RBFOX3: variants seen among roughly 807,000 people sequenced by gnomAD.
RBFOX3 encodes RNA binding protein fox-1 homolog 3.
In RBFOX3, 17 loss-of-function variants were observed where a neutral mutation model predicts 48.7. That is an observed-to-expected ratio of 0.35 (90% CI 0.24 to 0.52). The LOEUF (loss-of-function observed/expected upper bound fraction) is 0.52, where lower values mean the gene tolerates loss of function less well. Ranked by LOEUF, RBFOX3 falls within the 20% of genes least tolerant of loss-of-function variation. The probability of loss-of-function intolerance (pLI) is 0.94; values close to 1 mark genes in which losing one functional copy is unlikely to be tolerated. For synonymous variants in RBFOX3, 212 were observed against 209.5 expected, an observed-to-expected ratio of 1.01 and a Z score of -0.10; for missense variants, 382 against 497.5, an observed-to-expected ratio of 0.77 and a Z score of 2.21.
intron 1 of RBFOX3, among the ~76,000 whole-genome samples, chr17:79,581,478 G>C (rs1322152546): frequency 6.6e-6 from 1 of 152,214 alleles, no homozygotes; most frequent in Non-Finnish European, 1.5e-5. Context: ...TGAAGCCAGA[G>C]GGACTGTCAG....
chr17:79,520,960 G>A lies in RBFOX3; in HGVS notation c.-319-38362C>T, dbSNP rs1305400902. Among the ~76,000 whole-genome samples the A allele has an allele frequency of 2.6e-5, 4 of 152,336 alleles. No homozygotes were observed. In the East Asian group the frequency reaches 7.7e-4, roughly 29 times the overall value. On this transcript the variant is annotated intron_variant, in intron 1 of 14. Coordinates refer to ENST00000693108, the MANE Select transcript of RBFOX3 (RefSeq NM_001350451.2). ...CTTGTTTGAATCTCACAATGGTGAC[G>A]GCAGAGCACTGAGCCAAGCACAAGC... is the stretch of plus-strand genomic sequence containing the variant.
At chr17:79,210,245 T>A (rs1415242292) in intron 4 of RBFOX3, among the ~76,000 whole-genome samples, 1 of 152,204 alleles carries the variant, frequency 6.6e-6, no homozygotes, top group African/African-American at 2.4e-5. Context: ...TTTTGTGAAC[T>A]TTTTTTATTT....
chr17:79,289,342 G>A (rs748243833), intron 3 of RBFOX3, among the ~76,000 whole-genome samples: 3 of 152,184 alleles, frequency 2.0e-5, no homozygotes, highest in East Asian at 1.9e-4. Context: ...TTTCTGCCCC[G>A]GCCCTTAGTG....
chr17:79,203,885 C>A (rs915620320), intron 4 of RBFOX3, among the ~76,000 whole-genome samples: 1 of 152,118 alleles, frequency 6.6e-6, no homozygotes, highest in Non-Finnish European at 1.5e-5. Context: ...CCTGAACCCA[C>A]GGACATGGCA....
chr17:79,492,830 G>C (rs1242200052), intron 1 of RBFOX3, among the ~76,000 whole-genome samples: 1 of 152,222 alleles, frequency 6.6e-6, no homozygotes, highest in Non-Finnish European at 1.5e-5. Context: ...TTACAGAGGT[G>C]AGGAAGGTCA....
chr17:79,379,800 C>T (rs1467002599), intron 2 of RBFOX3, among the ~76,000 whole-genome samples: 2 of 152,134 alleles, frequency 1.3e-5, no homozygotes, highest in African/African-American at 4.8e-5. Context: ...GATTTCAGGC[C>T]CCCAAGATGC....
chr17:79,216,065 C>T (rs2147261505), intron 4 of RBFOX3, among the ~76,000 whole-genome samples: 1 of 152,360 alleles, frequency 6.6e-6, no homozygotes, highest in African/African-American at 2.4e-5. Context: ...GCGTCCTCAG[C>T]CCAGCGGGGG....
chr17:79,536,168 C>CA (rs1555788668), intron 1 of RBFOX3, among the ~76,000 whole-genome samples: 24 of 141,930 alleles, frequency 1.7e-4, no homozygotes, highest in African/African-American at 6.7e-4. Flanking sequence ...CCTCTGCCTT[C>CA]CAGGCTCAAG....
At chr17:79,650,395 T>C in the RBFOX3 span, among the ~76,000 whole-genome samples, 1 of 151,710 alleles carries the variant, frequency 6.6e-6, no homozygotes, top group Admixed American at 6.6e-5. Flanking sequence ...CCTCCAAAAC[T>C]CAGGGAAAGC....
chr17:79,286,524 C>T (rs1049551338), intron 3 of RBFOX3, among the ~76,000 whole-genome samples: 12 of 152,212 alleles, frequency 7.9e-5, no homozygotes, highest in African/African-American at 2.7e-4. Flanking sequence ...GCCCCTGATG[C>T]TTATTAACTG....
intron 2 of RBFOX3, among the ~76,000 whole-genome samples, chr17:79,313,508 C>T (rs2077128024): frequency 6.6e-6 from 1 of 152,200 alleles, no homozygotes; most frequent in Non-Finnish European, 1.5e-5. Context: ...CCCAACCATC[C>T]AGGGCTCTGG....
rs139966532 is a variant in RBFOX3, at chr17:79,413,325, G to A, written c.-175+69129C>T. ...AGACTCCAAATTATCCCAAAGGCAG[G>A]ATGTGGAGTCTCTGAGTGGAAGAAT... is the stretch of plus-strand genomic sequence containing the variant. On this transcript the variant is annotated intron_variant, in intron 2 of 14. Transcript: ENST00000693108. 2.8e-3 allele frequency among the ~76,000 whole-genome samples: 433 copies of A among 152,346 alleles called. 2 individuals carry two copies. The highest frequency in any genetic ancestry group is 0.01 in the African/African-American group (416 of 41,570).
At chr17:79,114,336 G>A (rs1020259342) in intron 5 of RBFOX3, among the ~76,000 whole-genome samples, 6 of 152,184 alleles carry the variant, frequency 3.9e-5, no homozygotes, top group African/African-American at 1.4e-4. Flanking sequence ...CTGGGTATCA[G>A]GATGCTGGGG....
At chr17:79,178,052 C>T (rs2050997300) in intron 4 of RBFOX3, among the ~76,000 whole-genome samples, 1 of 152,234 alleles carries the variant, frequency 6.6e-6, no homozygotes, top group Admixed American at 6.5e-5. Flanking sequence ...GATCCTCCAC[C>T]GAGCAGCCCC....
chr17:79,543,222 C>T (rs976872557), intron 1 of RBFOX3, among the ~76,000 whole-genome samples: 1 of 152,164 alleles, frequency 6.6e-6, no homozygotes, highest in East Asian at 1.9e-4. Context: ...AAATCACCTC[C>T]TCCACGCCTT....
intron 1 of RBFOX3, among the ~76,000 whole-genome samples, chr17:79,576,898 G>A (rs1406098629): frequency 1.3e-5 from 2 of 152,142 alleles, no homozygotes; most frequent in East Asian, 3.9e-4. Context: ...TCTGGTCCCA[G>A]ACACTTGTAG....
At chr17:79,326,016 T>C (rs1249452274) in intron 2 of RBFOX3, among the ~76,000 whole-genome samples, 1 of 152,222 alleles carries the variant, frequency 6.6e-6, no homozygotes, top group African/African-American at 2.4e-5. Context: ...TATAACTCAC[T>C]GCCCTCTTCA....
chr17:79,189,318 A>G (rs916326217), intron 4 of RBFOX3, among the ~76,000 whole-genome samples: 22 of 152,164 alleles, frequency 1.4e-4, no homozygotes, highest in South Asian at 4.1e-4. Flanking sequence ...AACCAGTTAG[A>G]GGCAGCGTCT....
At position 79,443,083 on chromosome 17, in the gene RBFOX3, C is replaced by G. The variant is rs1176095297; in HGVS notation, c.-175+39371G>C. 6.6e-6 allele frequency among the ~76,000 whole-genome samples: 1 copy of G among 152,234 alleles called. No homozygotes were observed. Among genetic ancestry groups the G allele is most frequent in the Non-Finnish European group, 1.5e-5 (1 of 68,046 alleles). On this transcript the variant is annotated intron_variant, in intron 2 of 14. Transcript: ENST00000693108. The surrounding 1 kb of genome is among the most constrained non-coding windows in gnomAD (Gnocchi z 4.4). ...CTCACAGGCCAAAGGTGCACATGGA[C>G]GAGACAGTGGTGGCCTCTGCCCCTG...
Sources: allele counts gnomAD v4.1 joint callset (sites outside exome capture counted in the v4.1 genomes callset), GRCh38; gene constraint gnomAD v4.1.1; non-coding constraint Gnocchi (gnomAD v3.1); transcripts MANE v1.5; gene names NCBI Gene and HGNC (gene_info 2026-07-23, HGNC 2026-07-21).